The following ZFP82 variants were observed in gnomAD, a reference collection of about 807,000 sequenced individuals.
ZFP82 encodes ZFP82 zinc finger protein.
ZFP82 carries 30 observed loss-of-function variants against 54.0 expected under a neutral mutation model. That is an observed-to-expected ratio of 0.56 (90% CI 0.42 to 0.75). The LOEUF is 0.75. Ranked by LOEUF, ZFP82 falls within the 30% of genes least tolerant of loss-of-function variation. The pLI, the probability that ZFP82 is intolerant of heterozygous loss-of-function variation, is 0.00. For synonymous variants in ZFP82, 194 were observed against 209.5 expected, an observed-to-expected ratio of 0.93 and a Z score of 0.64; for missense variants, 500 against 636.8, an observed-to-expected ratio of 0.79 and a Z score of 2.31.
chr19:36,409,588 T>C (rs1217220996), intron 2 of ZFP82, among the ~76,000 whole-genome samples, 193 bp downstream of exon 2: 1 of 152,064 alleles, frequency 6.6e-6, no homozygotes, highest in East Asian at 1.9e-4. Context: ...AATAATTTGT[T>C]CAACAAAGAT....
rs955824425 is a variant in ZFP82 at position 36,405,584 on chromosome 19, A to C, written c.225T>G (p.Tyr75Ter). The change falls in exon 4 of 5, where the codon TAT (tyrosine) becomes TAG (stop). Residue 75 changes from tyrosine to a stop codon, truncating the protein, a stop_gained. Coordinates refer to ENST00000392161, the MANE Select transcript of ZFP82 (RefSeq NM_133466.4). LOFTEE classifies it high-confidence loss of function. ...WKVVRKGRRQYPDLETKYETK... is the reference protein window; with the variant it reads ...WKVVRKGRRQ ...TCCTGCCCAACTAGCCCTCACCTGG[A>C]TATTGTCTTCTTCCTTTCCTCACAA... 1 of 1,609,256 alleles carries C rather than the reference A, an allele frequency of 6.2e-7. No homozygotes were observed. The highest frequency in any genetic ancestry group is 8.5e-7 in the Non-Finnish European group (1 of 1,176,682).
At chr19:36,396,430 G>C (rs998062651) in intron 4 of ZFP82, among the ~76,000 whole-genome samples, 1 of 151,942 alleles carries the variant, frequency 6.6e-6, no homozygotes, top group African/African-American at 2.4e-5. Flanking sequence ...GGTGGATCAC[G>C]AGGTCAGGAG....
downstream of ZFP82, among the ~76,000 whole-genome samples, chr19:36,385,928 C>T (rs766734357): frequency 5.3e-5 from 8 of 152,154 alleles, no homozygotes; most frequent in Non-Finnish European, 8.8e-5. Flanking sequence ...AAAGATAAAA[C>T]ATAATTAAAA....
At chr19:36,387,983 T>G (rs1402300059), downstream of ZFP82, among the ~76,000 whole-genome samples, 1 of 152,232 alleles carries the variant, frequency 6.6e-6, no homozygotes, top group Non-Finnish European at 1.5e-5. Flanking sequence ...AATTCCTATT[T>G]TTATATGTAT....
downstream of ZFP82, among the ~76,000 whole-genome samples, chr19:36,387,238 T>G (rs961011541): frequency 6.6e-6 from 1 of 152,150 alleles, no homozygotes. Context: ...ATTTTGCATG[T>G]GAGAAGAACA....
intron 1 of ZFP82, among the ~76,000 whole-genome samples, chr19:36,415,258 A>G (rs1188371243): frequency 2.0e-5 from 3 of 152,238 alleles, no homozygotes; most frequent in African/African-American, 7.2e-5. Context: ...TAGAATAGTA[A>G]TATTTATTGT....
chr19:36,384,413 A>T (rs2032093700), downstream of ZFP82: 4 of 152,178 alleles, frequency 2.6e-5, no homozygotes, highest in African/African-American at 9.7e-5. Flanking sequence ...TCATCTTCGA[A>T]GTCCTTTTGG....
intron 4 of ZFP82, among the ~76,000 whole-genome samples, chr19:36,399,358 G>A (rs2032347300): frequency 6.6e-6 from 1 of 152,244 alleles, no homozygotes; most frequent in South Asian, 2.1e-4. Flanking sequence ...AGAAGCAGGT[G>A]TGGAGACAGT....
At chr19:36,388,195 T>A (rs1380092062), downstream of ZFP82, among the ~76,000 whole-genome samples, 39 of 152,150 alleles carry the variant, frequency 2.6e-4, no homozygotes, top group Admixed American at 2.6e-3. Context: ...GTTTTATAAT[T>A]GTTTTAATTG....
intron 1 of ZFP82, among the ~76,000 whole-genome samples, 187 bp downstream of exon 1, chr19:36,418,305 G>C (rs1225231203): frequency 6.6e-6 from 1 of 151,930 alleles, no homozygotes; most frequent in Non-Finnish European, 1.5e-5. Flanking sequence ...GTGGGCAGAG[G>C]ATGCTGGGGT....
chr19:36,393,910 G>A lies in ZFP82; in HGVS notation c.430C>T (p.Pro144Ser). 3 of 1,614,144 alleles carry A rather than the reference G, an allele frequency of 1.9e-6. No homozygotes were observed. Among genetic ancestry groups the A allele is most frequent in the Non-Finnish European group, 2.5e-6 (3 of 1,180,032 alleles). ...QEGYFSSVKM[P>S]SEKVSSYQKR... ...TGGTAAGAGGACACCTTTTCAGATGGCATTTTCACACTACTGAAGTATCCT... is the reference window on the plus strand; with the variant it reads ...TGGTAAGAGGACACCTTTTCAGATGACATTTTCACACTACTGAAGTATCCT... The change falls in exon 5 of 5, where the codon CCA becomes TCA. Residue 144 changes from proline (P) to serine (S), a missense_variant. Physicochemically the swap from Pro to Ser is moderately conservative, Grantham distance 74 (BLOSUM62 -1). Transcript: ENST00000392161.
intron 4 of ZFP82, among the ~76,000 whole-genome samples, chr19:36,396,482 C>T (rs2032295478): frequency 6.6e-6 from 1 of 151,996 alleles, no homozygotes; most frequent in Non-Finnish European, 1.5e-5. Context: ...CCCGTCTCTA[C>T]TAAAAATAGA....
chr19:36,399,826 AAACAT>A, intron 4 of ZFP82, among the ~76,000 whole-genome samples: 1 of 152,202 alleles, frequency 6.6e-6, no homozygotes, highest in Middle Eastern at 3.2e-3. Context: ...AAATGAAAGA[AAACAT>A]AACAATCAAG....
intron 2 of ZFP82, 78 bp downstream of exon 2, chr19:36,409,703 A>T: frequency 6.7e-7 from 1 of 1,498,044 alleles, no homozygotes; most frequent in Non-Finnish European, 9.3e-7. Flanking sequence ...GAGCTCTGAT[A>T]GTAAGGAAGT....
chr19:36,412,123 C>T (rs2032592707), intron 1 of ZFP82, among the ~76,000 whole-genome samples: 1 of 151,574 alleles, frequency 6.6e-6, no homozygotes, highest in African/African-American at 2.4e-5. Context: ...TCTCTAAGTG[C>T]TAAGTTTTAG....
rs373478166 is a variant in ZFP82 at position 36,392,678 on chromosome 19, G to C, written c.*63C>G. ...ATGCCAACGCAGTTGCATGTATGGA[G>C]CAAAATAGATTAATTACTACATTCA... On this transcript the variant is annotated 3_prime_UTR_variant, in exon 5 of 5. Coordinates refer to ENST00000392161, the MANE Select transcript of ZFP82 (RefSeq NM_133466.4). 2.7e-5 allele frequency: 39 copies of C among 1,431,592 alleles called. No homozygotes were observed. The South Asian group carries it at 5.6e-4, about 21-fold the overall frequency. 88.7% of individuals were successfully genotyped at this position (1,431,592 alleles called of 1,614,324 possible).
chr19:36,403,524 G>A (rs1026409539), intron 4 of ZFP82, among the ~76,000 whole-genome samples: 3 of 149,102 alleles, frequency 2.0e-5, no homozygotes, highest in African/African-American at 7.5e-5. Context: ...AGAGGCTGAG[G>A]CAGAGAACTG....
chr19:36,386,576 C>T (rs1312239592), downstream of ZFP82, among the ~76,000 whole-genome samples: 1 of 152,218 alleles, frequency 6.6e-6, no homozygotes, highest in Non-Finnish European at 1.5e-5. Flanking sequence ...TGTCTGAGAA[C>T]CAGCCCCCAC....
In ZFP82 at chr19:36,392,017, G is replaced by T. The variant is rs940627175; in HGVS notation, c.*724C>A. On this transcript the variant is annotated 3_prime_UTR_variant, in exon 5 of 5. Coordinates refer to ENST00000392161, the MANE Select transcript of ZFP82 (RefSeq NM_133466.4). ...CATGTTTTTGTGGGTCAGAAATTTGGGCCAGGGGCTCAGCTGGTCAATTCT... is the reference window on the plus strand; with the variant it reads ...CATGTTTTTGTGGGTCAGAAATTTGTGCCAGGGGCTCAGCTGGTCAATTCT... 3 of 79,764 alleles carry T rather than the reference G, an allele frequency of 3.8e-5. No individual in the cohort carries two copies. Among genetic ancestry groups the T allele is most frequent in the Admixed American group, 1.3e-4 (1 of 7,466 alleles). 4.9% of individuals were successfully genotyped at this position (79,764 alleles called of 1,614,324 possible). A position where few individuals can be genotyped will look rare whatever the true frequency, so the allele number is the denominator to read the frequency against.
Sources: gnomAD v4.1 joint callset for allele counts (sites outside exome capture counted in the v4.1 genomes callset) on GRCh38, gnomAD v4.1.1 for gene constraint, MANE v1.5 for transcripts, NCBI Gene and HGNC (gene_info 2026-07-23, HGNC 2026-07-21) for gene names.